Variants in TARBP1 observed in about 807,000 individuals in gnomAD.
The protein encoded by TARBP1 is tRNA (guanosine(18)-2'-O)-methyltransferase TARBP1.
Under a neutral mutation model 178.6 loss-of-function variants are expected in TARBP1, and 144 were observed. The ratio of observed to expected loss-of-function variants is 0.81; its 90% confidence interval spans 0.70 to 0.93. The LOEUF is 0.93. TARBP1 is among the 40% of genes least tolerant of loss of function. TARBP1 has a pLI of 0.00. For missense variants in TARBP1, 2,067 were observed against 2,011.7 expected (o/e 1.03, Z -0.53); for synonymous variants, 787 against 781.0 (o/e 1.01, Z -0.13).
rs923304286 is a variant in TARBP1, at chr1:234,401,204, G to A, written c.4048C>T (p.Pro1350Ser). ...ACCTCTAGACAATAATCCTTGAGTG[G>A]GTGAAATGTTGCAAAAAAGAAATGC... Reference protein sequence around the residue: ...QEHFFFATFHPLKDYCLETIF... With the variant: ...QEHFFFATFHSLKDYCLETIF... Residue 1350 changes from proline (P) to serine (S), a missense_variant, in exon 25 of 30, where the codon CCA becomes TCA. By Grantham distance (74) the Pro-to-Ser change is moderately conservative. Coordinates refer to ENST00000040877, the MANE Select transcript of TARBP1 (RefSeq NM_005646.4). 6.2e-7 allele frequency: 1 copy of A among 1,613,214 alleles called. No individual in the cohort carries two copies. The highest frequency in any genetic ancestry group is 1.3e-5 in the African/African-American group (1 of 74,862).
intron 26 of TARBP1, among the ~76,000 whole-genome samples, chr1:234,394,083 C>T (rs1659678184): frequency 6.6e-6 from 1 of 152,154 alleles, no homozygotes; most frequent in South Asian, 2.1e-4. Context: ...TTCATGGAAA[C>T]ATGAGATACA....
rs759912712 is a variant in TARBP1 at position 234,398,494 on chromosome 1, A to G, written c.4131T>C (p.Ile1377=). 28 of 1,610,638 alleles carry G rather than the reference A, an allele frequency of 1.7e-5. No individual in the cohort carries two copies. Among genetic ancestry groups the G allele is most frequent in the Admixed American group, 1.0e-4 (6 of 59,944 alleles). The change falls in exon 26 of 30, where the codon ATT becomes ATC. Residue 1377 remains isoleucine (I), a synonymous_variant. Transcript: ENST00000040877. ...CATCAGTGAATCTGGTAAATTTATC[A>G]ATGGTGATCCATTCATCTTCAATAA... ...SGLIEDEWIT[I]DKFTRFTDVP... is the part of the protein sequence containing the mutation.
chr1:234,436,246 T>A (rs1016875404), intron 13 of TARBP1, among the ~76,000 whole-genome samples: 1 of 152,198 alleles, frequency 6.6e-6, no homozygotes, highest in South Asian at 2.1e-4. Flanking sequence ...GTTTGGAAAT[T>A]TTCCATACAA....
At chr1:234,423,071 C>T (rs1663295132) in intron 20 of TARBP1, among the ~76,000 whole-genome samples, 1 of 152,152 alleles carries the variant, frequency 6.6e-6, no homozygotes, top group Non-Finnish European at 1.5e-5. Flanking sequence ...TAACAAGTTC[C>T]CAGGGATGCT....
chr1:234,459,439 G>T, intron 7 of TARBP1, 113 bp from the exon 8 acceptor site: 1 of 767,724 alleles, frequency 1.3e-6, no homozygotes, highest in Non-Finnish European at 2.1e-6. Context: ...CAGAAAGTCT[G>T]CAGAATTTCA....
intron 8 of TARBP1, 66 bp from the exon 9 acceptor site, chr1:234,457,822 C>T: frequency 4.9e-6 from 6 of 1,224,072 alleles, no homozygotes; most frequent in Non-Finnish European, 7.0e-6. Context: ...TAAACTAAAA[C>T]CACTGTGAAG....
rs1204437140 is a variant in TARBP1, at chr1:234,433,447, G to A, written c.2357C>T (p.Ala786Val). Residue 786 changes from alanine (A) to valine (V), a missense_variant, in exon 14 of 30, where the codon GCA (alanine) becomes GTA (valine). Physicochemically the swap from Ala to Val is moderately conservative, Grantham distance 64. Coordinates refer to ENST00000040877, the MANE Select transcript of TARBP1 (RefSeq NM_005646.4). ...CATCTCTTGAAGATGCTGAATGGAT[G>A]CATTTTTCAAAAGAGAAATAACTCT... ...IWRVISLLKN[A>V]SIQHLQEMDS... is the part of the protein sequence containing the mutation. 1.3e-5 allele frequency: 21 copies of A among 1,613,808 alleles called. No individual in the cohort carries two copies. The highest frequency in any genetic ancestry group is 1.6e-4 in the Middle Eastern group (1 of 6,084).
intron 11 of TARBP1, among the ~76,000 whole-genome samples, chr1:234,447,572 T>G (rs1360431910): frequency 6.6e-6 from 1 of 152,044 alleles, no homozygotes; most frequent in Non-Finnish European, 1.5e-5. Context: ...TTTTTTAATT[T>G]TTGTAGAGAC....
At chr1:234,429,717 A>G (rs16843140) in intron 15 of TARBP1, 40 bp from the exon 16 acceptor site, 4 of 1,433,546 alleles carry the variant, frequency 2.8e-6, no homozygotes, top group South Asian at 2.6e-5. Context: ...TACTTCCCCA[A>G]TTTGCCTCCA....
At chr1:234,432,501 G>A (rs1362442965) in intron 14 of TARBP1, among the ~76,000 whole-genome samples, 1 of 151,956 alleles carries the variant, frequency 6.6e-6, no homozygotes, top group African/African-American at 2.4e-5. Context: ...CAAGAAAGAT[G>A]GAAATACACA....
At chr1:234,434,895 G>C (rs1286001700) in intron 13 of TARBP1, among the ~76,000 whole-genome samples, 18 of 152,158 alleles carry the variant, frequency 1.2e-4, no homozygotes, top group Admixed American at 9.8e-4. Context: ...AGAAGCATGA[G>C]AGAATGACAT....
In TARBP1 at chr1:234,409,088, C is replaced by T. The variant is rs570534469; in HGVS notation, c.3792+1357G>A. 2.6e-5 allele frequency among the ~76,000 whole-genome samples: 4 copies of T among 151,960 alleles called. No homozygotes were observed. In the South Asian group the frequency reaches 8.3e-4, roughly 32 times the overall value. ...TTTATCTAGGTAACAACGGACTTTA[C>T]GTATCACAAATGAAGAGACTGACAA... On this transcript the variant is annotated intron_variant, in intron 23 of 29. Coordinates refer to ENST00000040877, the MANE Select transcript of TARBP1 (RefSeq NM_005646.4).
intron 1 of TARBP1, 48 bp downstream of exon 1, chr1:234,478,125 G>T: frequency 1.3e-6 from 2 of 1,570,300 alleles, no homozygotes; most frequent in South Asian, 1.1e-5. Context: ...CTCCCCTCTG[G>T]GGCAGCCAAG....
intron 22 of TARBP1, among the ~76,000 whole-genome samples, chr1:234,416,573 AG>A (rs1363824706): frequency 6.6e-6 from 1 of 152,240 alleles, no homozygotes; most frequent in Non-Finnish European, 1.5e-5. Flanking sequence ...TTGGGATTAT[AG>A]GCATGAGCCG....
chr1:234,405,804 G>T, intron 24 of TARBP1, 99 bp downstream of exon 24: 2 of 1,146,172 alleles, frequency 1.7e-6, no homozygotes, highest in Non-Finnish European at 2.5e-6. Flanking sequence ...GCAGCATGAG[G>T]ATGTGGAAGG....
intron 2 of TARBP1, among the ~76,000 whole-genome samples, chr1:234,471,572 G>A (rs1226472630): frequency 6.6e-6 from 1 of 152,186 alleles, no homozygotes; most frequent in Non-Finnish European, 1.5e-5. Flanking sequence ...ATATTACAAA[G>A]AGAAAAAAGA....
chr1:234,469,077 T>TAAAAAAAAAAAAA (rs1327979551), intron 3 of TARBP1, among the ~76,000 whole-genome samples: 5,838 of 63,686 alleles, frequency 0.092, 507 homozygotes, highest in East Asian at 0.49. Context: ...TTTTTTTTTT[T>TAAAAAAAAAAAAA]AAAAAAAAAA....
chr1:234,458,077 C>T (rs1667469799), intron 8 of TARBP1, among the ~76,000 whole-genome samples: 2 of 151,510 alleles, frequency 1.3e-5, no homozygotes, highest in African/African-American at 4.8e-5. Context: ...GGCGCGGTGG[C>T]TCACGCCTGT....
intron 22 of TARBP1, among the ~76,000 whole-genome samples, chr1:234,415,068 T>C (rs920222237): frequency 2.0e-5 from 3 of 151,874 alleles, no homozygotes; most frequent in African/African-American, 4.8e-5. Context: ...GATGATGAAA[T>C]AGTAGAGAGC....
Sources: gnomAD v4.1 joint callset for allele counts (sites outside exome capture counted in the v4.1 genomes callset) on GRCh38, gnomAD v4.1.1 for gene constraint, MANE v1.5 for transcripts, NCBI Gene and HGNC (gene_info 2026-07-23, HGNC 2026-07-21) for gene names.